The following SLC25A13 variants were observed in gnomAD, a reference collection of about 807,000 sequenced individuals.
The protein encoded by SLC25A13 is electrogenic aspartate/glutamate antiporter SLC25A13, mitochondrial.
In SLC25A13, 70 loss-of-function variants were observed where a neutral mutation model predicts 85.5. That is an observed-to-expected ratio of 0.82 (90% CI 0.68 to 1.00). The LOEUF is 1.00. SLC25A13 is among the 50% of genes least tolerant of loss of function. The pLI is 0.00. For missense variants in SLC25A13, 765 were observed against 819.8 expected, an observed-to-expected ratio of 0.93 and a Z score of 0.82; for synonymous variants, 259 against 288.7, an observed-to-expected ratio of 0.90 and a Z score of 1.04.
chr7:96,233,138 C>T (rs1796618768), intron 4 of SLC25A13, among the ~76,000 whole-genome samples: 1 of 152,212 alleles, frequency 6.6e-6, no homozygotes, highest in African/African-American at 2.4e-5. Flanking sequence ...TCAAATCGAA[C>T]TCTCTTCCAT....
At chr7:96,264,310 A>G (rs1216909533) in intron 3 of SLC25A13, among the ~76,000 whole-genome samples, 3 of 152,088 alleles carry the variant, frequency 2.0e-5, no homozygotes, top group Non-Finnish European at 4.4e-5. Flanking sequence ...TTCCTCACAC[A>G]TTCACCCTCC....
At chr7:96,217,690 C>T (rs910846762) in intron 4 of SLC25A13, among the ~76,000 whole-genome samples, 2 of 152,024 alleles carry the variant, frequency 1.3e-5, no homozygotes, top group African/African-American at 4.8e-5. Flanking sequence ...AATCCATATA[C>T]ACAAAAAGTA....
intron 13 of SLC25A13, among the ~76,000 whole-genome samples, chr7:96,153,069 T>C (rs1793111913): frequency 6.6e-6 from 1 of 152,200 alleles, no homozygotes; most frequent in Admixed American, 6.5e-5. Flanking sequence ...GGGATAATTA[T>C]GCTGTGCTTA....
chr7:96,125,750 G>C (rs1228943125), intron 15 of SLC25A13, among the ~76,000 whole-genome samples: 2 of 143,882 alleles, frequency 1.4e-5, no homozygotes, highest in Non-Finnish European at 3.0e-5. Flanking sequence ...ACATTCTAGA[G>C]GGGTTTTTTT....
chr7:96,302,109 G>A (rs1483041606), intron 1 of SLC25A13, among the ~76,000 whole-genome samples: 7 of 152,130 alleles, frequency 4.6e-5, no homozygotes, highest in Non-Finnish European at 8.8e-5. Context: ...GATAAACACT[G>A]GTTATAATTG....
intron 5 of SLC25A13, among the ~76,000 whole-genome samples, chr7:96,205,195 A>T (rs1795413526): frequency 6.6e-6 from 1 of 152,222 alleles, no homozygotes; most frequent in African/African-American, 2.4e-5. Context: ...GGCGTGAGCC[A>T]CCACGCCCAG....
chr7:96,246,405 C>T (rs1468499660), intron 3 of SLC25A13, among the ~76,000 whole-genome samples: 1 of 152,164 alleles, frequency 6.6e-6, no homozygotes, highest in African/African-American at 2.4e-5. Flanking sequence ...TTTTCTGAAT[C>T]TCTGAAGCAA....
chr7:96,174,148 T>C lies in SLC25A13; in HGVS notation c.1178-2624A>G, dbSNP rs1412826118. Reference sequence around the variant, plus strand: ...TGGGAGCGCCTGTCCCCATCACCTTTGGGTCCCACTGAGGCCAGCCTCCAG... The same window carrying C: ...TGGGAGCGCCTGTCCCCATCACCTTCGGGTCCCACTGAGGCCAGCCTCCAG... On this transcript the variant is annotated intron_variant, in intron 11 of 17. Coordinates refer to ENST00000265631, the MANE Select transcript of SLC25A13 (RefSeq NM_014251.3). Among the ~76,000 whole-genome samples the C allele has an allele frequency of 3.3e-5, 5 of 152,304 alleles. No individual in the cohort carries two copies. The East Asian group carries it at 9.7e-4, about 29-fold the overall frequency.
chr7:96,306,722 C>T (rs1407747239), intron 1 of SLC25A13: 4 of 985,538 alleles, frequency 4.1e-6, no homozygotes. Context: ...CATCCACTTC[C>T]ATCTTCTCTT....
chr7:96,130,198 GAA>G (rs1349427340), intron 15 of SLC25A13, among the ~76,000 whole-genome samples: 1 of 152,116 alleles, frequency 6.6e-6, no homozygotes, highest in African/African-American at 2.4e-5. Flanking sequence ...TCTTCTCCAA[GAA>G]AAGAGTTAAA....
chr7:96,321,261 G>A (rs1800326789), intron 1 of SLC25A13, among the ~76,000 whole-genome samples: 2 of 152,148 alleles, frequency 1.3e-5, no homozygotes, highest in Non-Finnish European at 2.9e-5. Flanking sequence ...AGGCTCCCAG[G>A]ACAATCTGTT....
At chr7:96,209,478 A>G (rs1351989603) in intron 4 of SLC25A13, among the ~76,000 whole-genome samples, 1 of 152,136 alleles carries the variant, frequency 6.6e-6, no homozygotes, top group Non-Finnish European at 1.5e-5. Flanking sequence ...ACACATATTT[A>G]ACACCCCTAA....
At chr7:96,313,560 A>G (rs577977155) in intron 1 of SLC25A13, among the ~76,000 whole-genome samples, 8 of 152,270 alleles carry the variant, frequency 5.3e-5, no homozygotes, top group Middle Eastern at 3.4e-3. Flanking sequence ...GAGCTAAACA[A>G]TGGGTACTCA....
intron 3 of SLC25A13, among the ~76,000 whole-genome samples, chr7:96,255,460 G>A (rs148912932): frequency 6.6e-5 from 10 of 152,240 alleles, no homozygotes; most frequent in East Asian, 1.9e-4. Context: ...CCAATGTGGC[G>A]GGATCATTTG....
chr7:96,247,626 A>C (rs541782483), intron 3 of SLC25A13, among the ~76,000 whole-genome samples: 4 of 152,324 alleles, frequency 2.6e-5, no homozygotes, highest in African/African-American at 9.6e-5. Flanking sequence ...AACTTAAAGA[A>C]TAAGGTGCTT....
At chr7:96,279,238 T>G (rs1798572964) in intron 2 of SLC25A13, among the ~76,000 whole-genome samples, 1 of 152,224 alleles carries the variant, frequency 6.6e-6, no homozygotes, top group Non-Finnish European at 1.5e-5. Flanking sequence ...TTGTTGCAAA[T>G]ATTTTTCCAG....
At chr7:96,284,789 C>T (rs919038914) in intron 2 of SLC25A13, among the ~76,000 whole-genome samples, 1 of 152,220 alleles carries the variant, frequency 6.6e-6, no homozygotes, top group Non-Finnish European at 1.5e-5. Context: ...TTCTCATTCG[C>T]CTTCCACCAT....
chr7:96,262,956 C>T (rs1357417864), intron 3 of SLC25A13, among the ~76,000 whole-genome samples: 1 of 148,764 alleles, frequency 6.7e-6, no homozygotes, highest in Non-Finnish European at 1.5e-5. Context: ...AAATTGTTAG[C>T]ACCAGATATG....
intron 15 of SLC25A13, among the ~76,000 whole-genome samples, chr7:96,124,469 T>C (rs879006503): frequency 2.6e-5 from 4 of 152,202 alleles, no homozygotes; most frequent in Admixed American, 2.0e-4. Flanking sequence ...TGATATTACA[T>C]AGAAATTGAT....
Sources: allele counts gnomAD v4.1 joint callset (sites outside exome capture counted in the v4.1 genomes callset), GRCh38; gene constraint gnomAD v4.1.1; transcripts MANE v1.5; gene names NCBI Gene and HGNC (gene_info 2026-07-23, HGNC 2026-07-21).